The following CALHM4 variants were observed in gnomAD, a reference collection of about 807,000 sequenced individuals.
CALHM4 encodes calcium homeostasis modulator family member 4, also known as calcium homeostasis modulator protein 4.
CALHM4 carries 16 observed loss-of-function variants against 13.3 expected under a neutral mutation model. The observed-to-expected ratio is 1.20, with a 90% CI of 0.81 to 1.82. CALHM4 has a LOEUF of 1.82. Among genes scored for constraint, CALHM4 ranks in the 40% most tolerant of loss-of-function variants. CALHM4 has a pLI of 0.00. For synonymous variants in CALHM4, 127 were observed against 137.1 expected (o/e 0.93, Z 0.52); for missense variants, 344 against 374.9 (o/e 0.92, Z 0.68).
chr6:116,541,715 A>T (rs1426536179), intron 1 of CALHM4, among the ~76,000 whole-genome samples: 1 of 152,220 alleles, frequency 6.6e-6, no homozygotes, highest in Non-Finnish European at 1.5e-5. Context: ...TAGTTGTATC[A>T]GGATTAAAAA....
chr6:116,530,196 A>G (rs1344941141), intron 1 of CALHM4, among the ~76,000 whole-genome samples: 1 of 152,228 alleles, frequency 6.6e-6, no homozygotes, highest in East Asian at 1.9e-4. Context: ...AGTAAAATAC[A>G]GAAGCATAAG....
In CALHM4 at chr6:116,558,006, G is replaced by T; in HGVS notation, c.740G>T (p.Arg247Leu). The T allele has an allele frequency of 6.2e-7, 1 of 1,614,074 alleles. No homozygotes were observed. The highest frequency in any genetic ancestry group is 8.5e-7 in the Non-Finnish European group (1 of 1,179,998). ...CACTCTCGGCTCCTCATGATGCATCGCATAAAGAAGCTATTTGGCTTCATT... is the reference window on the plus strand; with the variant it reads ...CACTCTCGGCTCCTCATGATGCATCTCATAAAGAAGCTATTTGGCTTCATT... ...EQHSRLLMMH[R>L]IKKLFGFIPG... The change falls in exon 2 of 2, where the codon CGC (arginine) becomes CTC (leucine). Residue 247 changes from arginine to leucine, a missense_variant. Physicochemically the swap from Arg to Leu is moderately radical, Grantham distance 102 (BLOSUM62 -2). Transcript: ENST00000368596.
At chr6:116,529,367 A>C (rs1772556982) in intron 1 of CALHM4, among the ~76,000 whole-genome samples, 1 of 151,914 alleles carries the variant, frequency 6.6e-6, no homozygotes, top group Non-Finnish European at 1.5e-5. Flanking sequence ...AGATATTAAA[A>C]AATTTTAGAA....
chr6:116,549,996 A>G (rs958380431), upstream of CALHM4, among the ~76,000 whole-genome samples: 3 of 33,388 alleles, frequency 9.0e-5, no homozygotes, highest in Non-Finnish European at 1.9e-4. Flanking sequence ...ATATATATAT[A>G]TATATATATA....
chr6:116,558,241 T>A lies in CALHM4; in HGVS notation c.*30T>A. Reference sequence around the variant, plus strand: ...AGCACCTTTCATGAGTCAGGTTGCTTAGCAGATACTTGGCTTTTATGGCTT... The same window carrying A: ...AGCACCTTTCATGAGTCAGGTTGCTAAGCAGATACTTGGCTTTTATGGCTT... On this transcript the variant is annotated 3_prime_UTR_variant, in exon 2 of 2. Coordinates refer to ENST00000368596, the MANE Select transcript of CALHM4 (RefSeq NM_001366078.2). The A allele has an allele frequency of 6.4e-7, 1 of 1,572,700 alleles. No individual in the cohort carries two copies. Among genetic ancestry groups the A allele is most frequent in the South Asian group, 1.2e-5 (1 of 85,436 alleles).
rs1010757791 is a variant in CALHM4, at chr6:116,558,221, C to T, written c.*10C>T. On this transcript the variant is annotated 3_prime_UTR_variant, in exon 2 of 2. Coordinates refer to ENST00000368596, the MANE Select transcript of CALHM4 (RefSeq NM_001366078.2). The stretch of plus-strand genomic sequence containing the variant: ...TGAATTAAAACCTTGATTACAGCAC[C>T]TTTCATGAGTCAGGTTGCTTAGCAG... 1.3e-6 allele frequency: 2 copies of T among 1,597,682 alleles called. No homozygotes were observed. The highest frequency in any genetic ancestry group is 2.7e-5 in the African/African-American group (2 of 74,624).
upstream of CALHM4, among the ~76,000 whole-genome samples, chr6:116,552,812 C>T (rs908407606): frequency 6.6e-6 from 1 of 152,188 alleles, no homozygotes; most frequent in Non-Finnish European, 1.5e-5. Flanking sequence ...AGGTGTCTCA[C>T]ACCTGTAATC....
chr6:116,554,449 T>TTA, intron 1 of CALHM4, 98 bp downstream of exon 1: 1 of 1,045,376 alleles, frequency 9.6e-7, no homozygotes, highest in Non-Finnish European at 1.3e-6. Flanking sequence ...TATTCTCTGA[T>TTA]TATAGAACAC....
At chr6:116,544,161 G>GAGAGAGAGAGAGAA (rs1466053373) in intron 2 of CALHM4, among the ~76,000 whole-genome samples, 1 of 151,606 alleles carries the variant, frequency 6.6e-6, no homozygotes, top group Non-Finnish European at 1.5e-5. Flanking sequence ...AAGAGAGAGA[G>GAGAGAGAGAGAGAA]AGAGAGAGAG....
At position 116,559,776 on chromosome 6, in the gene CALHM4, T is replaced by C. The variant is rs1322745128; in HGVS notation, c.*1565T>C. ...TTTTACATCAAGTACGATTTTTATG[T>C]TTATGTTTATATATATATACAGGTC... On this transcript the variant is annotated 3_prime_UTR_variant, in exon 2 of 2. Transcript: ENST00000368596. 6.6e-6 allele frequency among the ~76,000 whole-genome samples: 1 copy of C among 152,182 alleles called. No homozygotes were observed. Among genetic ancestry groups the C allele is most frequent in the African/African-American group, 2.4e-5 (1 of 41,450 alleles).
chr6:116,537,053 A>AG (rs1773140756), intron 1 of CALHM4, among the ~76,000 whole-genome samples: 2 of 152,220 alleles, frequency 1.3e-5, no homozygotes, highest in Admixed American at 1.3e-4. Flanking sequence ...CTACAAGTAA[A>AG]GGAACATTTT....
At chr6:116,542,310 A>T (rs1398495619) in intron 1 of CALHM4, among the ~76,000 whole-genome samples, 1 of 152,104 alleles carries the variant, frequency 6.6e-6, no homozygotes, top group Non-Finnish European at 1.5e-5. Flanking sequence ...AAAAAAAGTC[A>T]TGTGTACAAA....
chr6:116,554,113 T>C lies in CALHM4; in HGVS notation c.320T>C (p.Ile107Thr). Residue 107 changes from isoleucine to threonine, a missense_variant, in exon 1 of 2, where the codon ATC becomes ACC. Ile to Thr is a moderately conservative substitution (Grantham distance 89). Transcript: ENST00000368596. Reference sequence around the variant, plus strand: ...CTGGCTTGCCTTAGGTTCTTCAGCATCACTGGGAGGGCAGTTATTGCTCCT... The same window carrying C: ...CTGGCTTGCCTTAGGTTCTTCAGCACCACTGGGAGGGCAGTTATTGCTCCT... ...CKLACLRFFS[I>T]TGRAVIAPLT... 1.9e-6 allele frequency: 3 copies of C among 1,550,650 alleles called. No individual in the cohort carries two copies. Among genetic ancestry groups the C allele is most frequent in the Non-Finnish European group, 2.6e-6 (3 of 1,147,002 alleles).
rs1774399607 is a variant in CALHM4, at chr6:116,557,845, C to A, written c.579C>A (p.Ile193=). ...TGAAGATGCTGGGTTGGATTTTGAT[C>A]ACCTTGGCAACCATTGCTGCCTTAG... The part of the protein sequence containing the change: ...YQSQMLGWIL[I]TLATIAALVS... Residue 193 remains isoleucine (I), a synonymous_variant, in exon 2 of 2, where the codon ATC becomes ATA. Transcript: ENST00000368596. 11 of 1,611,062 alleles carry A rather than the reference C, an allele frequency of 6.8e-6. No homozygotes were observed. Among genetic ancestry groups the A allele is most frequent in the Middle Eastern group, 1.7e-4 (1 of 6,038 alleles).
chr6:116,547,297 C>T (rs939084206), intron 2 of CALHM4, among the ~76,000 whole-genome samples: 6 of 152,040 alleles, frequency 3.9e-5, no homozygotes, highest in African/African-American at 4.8e-5. Context: ...GTGCTTGCTG[C>T]GAGGTGATGG....
intron 1 of CALHM4, among the ~76,000 whole-genome samples, chr6:116,540,833 T>C (rs530787780): frequency 6.6e-6 from 1 of 152,288 alleles, no homozygotes; most frequent in South Asian, 2.1e-4. Context: ...AGATCCTAGC[T>C]AAAGCGTCTG....
At chr6:116,545,314 A>G (rs1313169545) in intron 2 of CALHM4, among the ~76,000 whole-genome samples, 1 of 152,110 alleles carries the variant, frequency 6.6e-6, no homozygotes, top group African/African-American at 2.4e-5. Context: ...GGAGATAATC[A>G]TAATTATTCC....
intron 1 of CALHM4, among the ~76,000 whole-genome samples, chr6:116,531,131 G>A (rs1394620054): frequency 2.6e-5 from 4 of 151,910 alleles, no homozygotes; most frequent in African/African-American, 9.7e-5. Context: ...TTGTGAGCCT[G>A]GACAGTCAGT....
upstream of CALHM4, among the ~76,000 whole-genome samples, chr6:116,549,678 T>C (rs1773963055): frequency 6.6e-6 from 1 of 151,772 alleles, no homozygotes; most frequent in Admixed American, 6.6e-5. Context: ...TAAAAGTATA[T>C]TAAAAATATC....
Sources: gnomAD v4.1 joint callset for allele counts (sites outside exome capture counted in the v4.1 genomes callset) on GRCh38, gnomAD v4.1.1 for gene constraint, MANE v1.5 for transcripts, NCBI Gene and HGNC (gene_info 2026-07-23, HGNC 2026-07-21) for gene names.